The following CEMIP2 variants were observed in gnomAD, a reference collection of about 807,000 sequenced individuals.
CEMIP2 encodes cell migration inducing hyaluronidase 2.
Under a neutral mutation model 146.9 loss-of-function variants are expected in CEMIP2, and 79 were observed. That is an observed-to-expected ratio of 0.54 (90% CI 0.45 to 0.65). CEMIP2 has a LOEUF of 0.65. Among genes scored for constraint, CEMIP2 ranks in the 30% least tolerant of loss-of-function variants. The probability of loss-of-function intolerance (pLI) is 0.00; values close to 1 mark genes in which losing one functional copy is unlikely to be tolerated. For synonymous variants in CEMIP2, 601 were observed against 606.3 expected (o/e 0.99, Z 0.13); for missense variants, 1,596 against 1,696.2 (o/e 0.94, Z 1.04).
chr9:71,686,056 C>T (rs59316391), intron 22 of CEMIP2: 7,157 of 536,772 alleles, frequency 0.013, 75 homozygotes, highest in Non-Finnish European at 0.018. Flanking sequence ...CAAGGGGTAA[C>T]GCATACATAA....
chr9:71,763,878 T>C (rs1824710677), intron 1 of CEMIP2, among the ~76,000 whole-genome samples: 1 of 152,270 alleles, frequency 6.6e-6, no homozygotes, highest in Non-Finnish European at 1.5e-5. Context: ...ATCTCTGTAT[T>C]GCTCACAGCA....
rs1821985539 is a variant in CEMIP2 at position 71,684,122 on chromosome 9, G to A, written c.*1075C>T. ...ACTCATTCCTGCAAGGCTTTAAAGA[G>A]GTTCATTTCTGAGTATTCTCTCCAC... On this transcript the variant is annotated 3_prime_UTR_variant, in exon 24 of 24. Coordinates refer to ENST00000377044, the MANE Select transcript of CEMIP2 (RefSeq NM_013390.3). 6.6e-6 allele frequency: 1 copy of A among 152,150 alleles called. No individual in the cohort carries two copies. Among genetic ancestry groups the A allele is most frequent in the South Asian group, 2.1e-4 (1 of 4,828 alleles). The allele number at this position is 152,150 out of a possible 1,614,324, so 9.4% of individuals were successfully genotyped here. A position where few individuals can be genotyped will look rare whatever the true frequency, so the allele number is the denominator to read the frequency against.
At chr9:71,728,287 A>ATATATACACGTATATATATATATG (rs1823494499) in intron 10 of CEMIP2, among the ~76,000 whole-genome samples, 1 of 21,670 alleles carries the variant, frequency 4.6e-5, no homozygotes, top group African/African-American at 1.4e-4. Flanking sequence ...ATATGTATAT[A>ATATATACACGTATATATATATATG]TATATATATA....
At chr9:71,689,194 C>A (rs190419980) in intron 22 of CEMIP2, among the ~76,000 whole-genome samples, 39 of 152,220 alleles carry the variant, frequency 2.6e-4, no homozygotes, top group Admixed American at 7.9e-4. Context: ...GAAGACAGAA[C>A]GACATATATA....
chr9:71,722,296 A>G, intron 12 of CEMIP2, 131 bp downstream of exon 12: 1 of 649,294 alleles, frequency 1.5e-6, no homozygotes, highest in African/African-American at 1.8e-5. Flanking sequence ...TGGTTTTCCA[A>G]AAACCCTTTT....
rs1164109379 is a variant in CEMIP2, at chr9:71,729,824, G to T, written c.2049+21C>A. The T allele has an allele frequency of 3.7e-6, 6 of 1,607,874 alleles. No individual in the cohort carries two copies. In the African/African-American group the frequency reaches 6.7e-5, roughly 18 times the overall value. On this transcript the variant is annotated intron_variant, in intron 10 of 23. Coordinates refer to ENST00000377044, the MANE Select transcript of CEMIP2 (RefSeq NM_013390.3). ...ACAAGAAAAACATTAAAACATCTGAGGTCACTTTAACGTTATTTACCTGTG... is the reference window on the plus strand; with the variant it reads ...ACAAGAAAAACATTAAAACATCTGATGTCACTTTAACGTTATTTACCTGTG...
chr9:71,708,540 TAAC>T (rs1355345478), intron 17 of CEMIP2, among the ~76,000 whole-genome samples: 5 of 152,140 alleles, frequency 3.3e-5, no homozygotes, highest in African/African-American at 1.2e-4. Context: ...CTTTAGAAAA[TAAC>T]AAAGCCAGAA....
intron 4 of CEMIP2, among the ~76,000 whole-genome samples, chr9:71,741,132 T>C (rs1336607884): frequency 6.6e-6 from 1 of 151,640 alleles, no homozygotes; most frequent in African/African-American, 2.4e-5. Flanking sequence ...ACCCTAGGTG[T>C]CAAGATTTTT....
intron 1 of CEMIP2, among the ~76,000 whole-genome samples, chr9:71,757,131 C>T (rs1266470052): frequency 6.6e-6 from 1 of 152,144 alleles, no homozygotes; most frequent in African/African-American, 2.4e-5. Context: ...ATAATCTAGC[C>T]CTTCCAACCC....
chr9:71,721,302 T>C (rs972456853), intron 12 of CEMIP2, among the ~76,000 whole-genome samples: 6 of 152,214 alleles, frequency 3.9e-5, no homozygotes, highest in Admixed American at 6.5e-5. Context: ...ATTCTCCTCT[T>C]AGTTCATAAT....
chr9:71,701,543 G>A (rs1385649066), intron 18 of CEMIP2, among the ~76,000 whole-genome samples: 1 of 152,166 alleles, frequency 6.6e-6, no homozygotes, highest in Admixed American at 6.5e-5. Flanking sequence ...CTAATATATG[G>A]AGAGTGGAAC....
rs397933000 is a variant in CEMIP2, at chr9:71,764,919, C to CT, written c.-13+3437dup. On this transcript the variant is annotated intron_variant, in intron 1 of 23. Coordinates refer to ENST00000377044, the MANE Select transcript of CEMIP2 (RefSeq NM_013390.3). ...AAAGGCAGATGCATAGCTTTTCTTC[C>CT]TTTTTTTTTTTTTCCTTTTCCATAT... Among the ~76,000 whole-genome samples the CT allele has an allele frequency of 7.0e-3, 1,007 of 144,762 alleles. 8 individuals carry two copies. The highest frequency in any genetic ancestry group is 0.038 in the Middle Eastern group (10 of 266). The allele number at this position is 144,762 out of a possible 152,430, so 95.0% of individuals were successfully genotyped here.
chr9:71,688,646 C>T (rs1348748285), intron 22 of CEMIP2, among the ~76,000 whole-genome samples: 1 of 152,048 alleles, frequency 6.6e-6, no homozygotes, highest in Non-Finnish European at 1.5e-5. Context: ...CCTCAGACTC[C>T]CAAAGTGCTA....
chr9:71,694,447 T>TA, intron 21 of CEMIP2, 62 bp downstream of exon 21: 1 of 1,343,444 alleles, frequency 7.4e-7, no homozygotes, highest in African/African-American at 1.4e-5. Context: ...ATAAGCTACC[T>TA]AGTTTATGGC....
intron 20 of CEMIP2, among the ~76,000 whole-genome samples, chr9:71,696,744 T>A (rs913504479): frequency 1.3e-5 from 2 of 152,080 alleles, no homozygotes; most frequent in African/African-American, 2.4e-5. Context: ...CACTCCAGCC[T>A]GGGCAACAGA....
At chr9:71,694,348 G>T (rs559650562) in intron 21 of CEMIP2, among the ~76,000 whole-genome samples, 161 bp downstream of exon 21, 1 of 151,958 alleles carries the variant, frequency 6.6e-6, no homozygotes, top group African/African-American at 2.4e-5. Flanking sequence ...GGATGGTCTC[G>T]ATCTAACCTT....
At chr9:71,723,629 A>T (rs962981165) in intron 11 of CEMIP2, among the ~76,000 whole-genome samples, 3 of 152,190 alleles carry the variant, frequency 2.0e-5, no homozygotes. Context: ...TGGGCCTAAA[A>T]ATAAGAATTT....
chr9:71,728,193 TTC>T (rs369654117), intron 10 of CEMIP2, among the ~76,000 whole-genome samples: 2,137 of 29,546 alleles, frequency 0.072, 266 homozygotes, highest in South Asian at 0.11. Context: ...CAGCGAAACC[TTC>T]TCTCTCTCTC....
In CEMIP2 at chr9:71,698,104, A is replaced by G; in HGVS notation, c.3478T>C (p.Ser1160Pro). ...GCCATGCAGTTACTGATGTCCTTTG[A>G]GTCTGTGGCTGCTTGGATCTTGACT... Reference protein sequence around the residue: ...ERVKIQAATDSKDISNCMAKA... With the variant: ...ERVKIQAATDPKDISNCMAKA... The change falls in exon 20 of 24, where the codon TCA becomes CCA. Residue 1160 changes from serine (S) to proline (P), a missense_variant. Physicochemically the swap from Ser to Pro is moderately conservative, Grantham distance 74. Coordinates refer to ENST00000377044, the MANE Select transcript of CEMIP2 (RefSeq NM_013390.3). 1 of 1,614,070 alleles carries G rather than the reference A, an allele frequency of 6.2e-7. No individual in the cohort carries two copies. Among genetic ancestry groups the G allele is most frequent in the South Asian group, 1.1e-5 (1 of 91,086 alleles).
Sources: allele counts gnomAD v4.1 joint callset (sites outside exome capture counted in the v4.1 genomes callset), GRCh38; gene constraint gnomAD v4.1.1; transcripts MANE v1.5; gene names NCBI Gene and HGNC (gene_info 2026-07-23, HGNC 2026-07-21).